The following AGPAT3 variants were observed in gnomAD, a reference collection of about 807,000 sequenced individuals.
AGPAT3 encodes the protein 1-acylglycerol-3-phosphate O-acyltransferase 3, also known as 1-acyl-sn-glycerol-3-phosphate acyltransferase gamma.
A neutral mutation model predicts 47.3 loss-of-function variants in AGPAT3; 5 were observed. The observed-to-expected ratio is 0.11, with a 90% CI of 0.06 to 0.22. AGPAT3 has a LOEUF of 0.22. AGPAT3 is among the 10% of genes least tolerant of loss of function. The pLI is 1.00. For synonymous variants in AGPAT3, 212 were observed against 208.3 expected, an observed-to-expected ratio of 1.02 and a Z score of -0.15; for missense variants, 315 against 493.0, an observed-to-expected ratio of 0.64 and a Z score of 3.42.
rs923647144 is a variant in AGPAT3 at position 43,952,876 on chromosome 21, G to A, written c.-48-6758G>A. 2.0e-4 allele frequency among the ~76,000 whole-genome samples: 31 copies of A among 152,096 alleles called. No individual in the cohort carries two copies. The highest frequency in any genetic ancestry group is 7.0e-4 in the African/African-American group (29 of 41,422). ...GGTCCCACCCCTGAGGTCCCACCCT[G>A]TGTGGCTCTTCTATCCCAGGCGTTC... On this transcript the variant is annotated intron_variant, in intron 2 of 9. Coordinates refer to ENST00000291572, the MANE Select transcript of AGPAT3 (RefSeq NM_020132.5). The surrounding 1 kb of genome is among the most constrained non-coding windows in gnomAD (Gnocchi z 5.6).
chr21:43,870,431 T>A (rs931977760), intron 1 of AGPAT3, among the ~76,000 whole-genome samples: 12 of 151,830 alleles, frequency 7.9e-5, no homozygotes, highest in Non-Finnish European at 1.3e-4. Context: ...AATTATTGGG[T>A]CCCCGGGTGG....
chr21:43,896,943 G>GTTTTTTTTTTTTTTTTT (rs61657564), intron 1 of AGPAT3, among the ~76,000 whole-genome samples: 4 of 42,322 alleles, frequency 9.5e-5, no homozygotes, highest in African/African-American at 2.2e-4. Context: ...TTGACAGTCC[G>GTTTTTTTTTTTTTTTTT]TTTTTTTTTT....
intron 1 of AGPAT3, among the ~76,000 whole-genome samples, chr21:43,896,943 GTTTTTTT>G (rs61657564): frequency 2.4e-4 from 10 of 42,322 alleles, no homozygotes; most frequent in Non-Finnish European, 3.1e-4. Context: ...TTGACAGTCC[GTTTTTTT>G]TTTTTTTTTT....
In AGPAT3 at chr21:43,967,992, G is replaced by C. The variant is rs748786236; in HGVS notation, c.225G>C (p.Leu75=). The part of the protein sequence containing the change: ...LEWWSCTECT[L]FTDQATVERF... ...GGTGGTCCTGCACGGAGTGTACACTGTTCACGGACCAGGCCACGGTAGAGC... is the reference window on the plus strand; with the variant it reads ...GGTGGTCCTGCACGGAGTGTACACTCTTCACGGACCAGGCCACGGTAGAGC... The change falls in exon 4 of 10, where the codon CTG becomes CTC. Residue 75 remains leucine, a synonymous_variant. Coordinates refer to ENST00000291572, the MANE Select transcript of AGPAT3 (RefSeq NM_020132.5). 4 of 1,614,060 alleles carry C rather than the reference G, an allele frequency of 2.5e-6. No individual in the cohort carries two copies. The highest frequency in any genetic ancestry group is 3.4e-6 in the Non-Finnish European group (4 of 1,180,012).
At position 43,892,603 on chromosome 21, in the gene AGPAT3, C is replaced by T. The variant is rs776449404; in HGVS notation, c.-111-11354C>T. Among the ~76,000 whole-genome samples the T allele has an allele frequency of 7.9e-5, 12 of 152,326 alleles. 1 individual carries two copies. Among genetic ancestry groups the T allele is most frequent in the Middle Eastern group, 3.4e-3 (1 of 294 alleles). On this transcript the variant is annotated intron_variant, in intron 1 of 9. Coordinates refer to ENST00000291572, the MANE Select transcript of AGPAT3 (RefSeq NM_020132.5). ...GCACAGGCAAAAGTAGATTTAGCATCATTCTTAAGGGCTCTAGGATTTTCG... is the reference window on the plus strand; with the variant it reads ...GCACAGGCAAAAGTAGATTTAGCATTATTCTTAAGGGCTCTAGGATTTTCG...
chr21:43,908,591 G>A lies in AGPAT3; in HGVS notation c.-49+4572G>A, dbSNP rs749783198. Among the ~76,000 whole-genome samples, 21 of 152,164 alleles carry A rather than the reference G, an allele frequency of 1.4e-4. No individual in the cohort carries two copies. The highest frequency in any genetic ancestry group is 4.6e-4 in the African/African-American group (19 of 41,434). On this transcript the variant is annotated intron_variant, in intron 2 of 9. Coordinates refer to ENST00000291572, the MANE Select transcript of AGPAT3 (RefSeq NM_020132.5). The surrounding 1 kb of genome is among the most constrained non-coding windows in gnomAD (Gnocchi z 4.9). ...GTAGGGGGAGTGGAGCCGTGGGTGC[G>A]GCACTAGAAGGATGAGAAAGGACCT... is the stretch of plus-strand genomic sequence containing the variant.
intron 1 of AGPAT3, among the ~76,000 whole-genome samples, chr21:43,875,469 C>T (rs28678339): frequency 0.018 from 2,814 of 152,302 alleles, 73 homozygotes; most frequent in African/African-American, 0.065. Context: ...TTTGCTTTCT[C>T]ATACCATCCT....
chr21:43,930,789 C>A lies in AGPAT3; in HGVS notation c.-49+26770C>A, dbSNP rs1477929441. Among the ~76,000 whole-genome samples the A allele has an allele frequency of 6.6e-6, 1 of 152,136 alleles. No individual in the cohort carries two copies. The highest frequency in any genetic ancestry group is 1.9e-4 in the East Asian group (1 of 5,190). The stretch of plus-strand genomic sequence containing the variant: ...TGGGGTGGCAGGAGGTGGCTCCTCA[C>A]GGTGGCCGGGGTGGCCCACGGCAGG... On this transcript the variant is annotated intron_variant, in intron 2 of 9. Coordinates refer to ENST00000291572, the MANE Select transcript of AGPAT3 (RefSeq NM_020132.5). This position sits in a 1 kb window ranked among gnomAD's most constrained non-coding sequence, Gnocchi z 5.0.
At chr21:43,974,075 T>C (rs1400231433) in intron 7 of AGPAT3, among the ~76,000 whole-genome samples, 1 of 151,948 alleles carries the variant, frequency 6.6e-6, no homozygotes, top group Admixed American at 6.6e-5. Flanking sequence ...GTGTGTGTGT[T>C]CATGTGGGAT....
chr21:43,870,715 C>A (rs891674794), intron 1 of AGPAT3, among the ~76,000 whole-genome samples: 9 of 152,158 alleles, frequency 5.9e-5, no homozygotes, highest in African/African-American at 1.2e-4. Context: ...GAGCCAGACT[C>A]CATCTCAATA....
At chr21:43,882,443 TGGG>T (rs1322334037) in intron 1 of AGPAT3, 1 of 152,262 alleles carries the variant, frequency 6.6e-6, no homozygotes, top group Non-Finnish European at 1.5e-5. Flanking sequence ...GAGAGGGTGG[TGGG>T]GGTAGACTCA....
At chr21:43,906,247 G>A (rs1350070532) in intron 2 of AGPAT3, among the ~76,000 whole-genome samples, 1 of 152,178 alleles carries the variant, frequency 6.6e-6, no homozygotes, top group Admixed American at 6.5e-5. Flanking sequence ...CCGGGTGACT[G>A]TCAGTGATGG....
chr21:43,869,496 G>GC (rs1204230502), intron 1 of AGPAT3, among the ~76,000 whole-genome samples: 62 of 152,236 alleles, frequency 4.1e-4, no homozygotes, highest in Non-Finnish European at 7.3e-4. Context: ...GCGTCAGTTT[G>GC]GGTTATGCAC....
chr21:43,932,688 T>G lies in AGPAT3; in HGVS notation c.-48-26946T>G, dbSNP rs1356025790. 6.6e-6 allele frequency among the ~76,000 whole-genome samples: 1 copy of G among 152,242 alleles called. No individual in the cohort carries two copies. Among genetic ancestry groups the G allele is most frequent in the East Asian group, 1.9e-4 (1 of 5,206 alleles). On this transcript the variant is annotated intron_variant, in intron 2 of 9. Coordinates refer to ENST00000291572, the MANE Select transcript of AGPAT3 (RefSeq NM_020132.5). The surrounding 1 kb of genome is among the most constrained non-coding windows in gnomAD (Gnocchi z 5.2). ...TTTCTTGAGACGGAGTCTTGCTCTG[T>G]CGCCCAGGCTGGAGTGCGATGGCAC... is the stretch of plus-strand genomic sequence containing the variant.
chr21:43,923,834 C>T (rs890955778), intron 2 of AGPAT3, among the ~76,000 whole-genome samples: 6 of 152,096 alleles, frequency 3.9e-5, no homozygotes, highest in African/African-American at 1.4e-4. Flanking sequence ...AGTTCACCAC[C>T]CTGAAGTCCA....
rs1404877777 is a variant in AGPAT3, at chr21:43,987,539, C to G, written c.*5147C>G. On this transcript the variant is annotated 3_prime_UTR_variant, in exon 10 of 10. Transcript: ENST00000291572. The stretch of plus-strand genomic sequence containing the variant: ...TTCATCTGTGGAGAAAACCAAGGAA[C>G]CCCTTTCTCTTCTTTATTAAAAAGC... 6.6e-6 allele frequency among the ~76,000 whole-genome samples: 1 copy of G among 152,196 alleles called. No homozygotes were observed. The highest frequency in any genetic ancestry group is 1.5e-5 in the Non-Finnish European group (1 of 68,038).
intron 1 of AGPAT3, among the ~76,000 whole-genome samples, chr21:43,888,246 C>A (rs2086024161): frequency 6.6e-6 from 1 of 151,958 alleles, no homozygotes; most frequent in Non-Finnish European, 1.5e-5. Flanking sequence ...CAGTATATTG[C>A]CCAGGCTGGT....
At chr21:43,875,680 TCACTG>T (rs1441322853) in intron 1 of AGPAT3, among the ~76,000 whole-genome samples, 12 of 152,272 alleles carry the variant, frequency 7.9e-5, no homozygotes, top group Non-Finnish European at 1.3e-4. Flanking sequence ...CAATCTTGGC[TCACTG>T]CAACCTCCGC....
chr21:43,897,935 TG>T (rs2086264909), intron 1 of AGPAT3, among the ~76,000 whole-genome samples: 1 of 152,146 alleles, frequency 6.6e-6, no homozygotes, highest in Admixed American at 6.5e-5. Context: ...GGTCAGGAGC[TG>T]GAGACCAGCC....
Sources: gnomAD v4.1 joint callset for allele counts (sites outside exome capture counted in the v4.1 genomes callset) on GRCh38, gnomAD v4.1.1 for gene constraint, Gnocchi (gnomAD v3.1) non-coding constraint, MANE v1.5 for transcripts, NCBI Gene and HGNC (gene_info 2026-07-23, HGNC 2026-07-21) for gene names.